FNIP1: variants seen among roughly 807,000 people sequenced by gnomAD.
FNIP1 encodes the protein folliculin interacting protein 1, also known as folliculin-interacting protein 1.
FNIP1 carries 40 observed loss-of-function variants against 124.5 expected under a neutral mutation model. The observed-to-expected ratio is 0.32, with a 90% CI of 0.25 to 0.42. The LOEUF is 0.42. FNIP1 is among the 10% of genes least tolerant of loss of function. The pLI is 1.00. For missense variants in FNIP1, 1,176 were observed against 1,403.7 expected, an observed-to-expected ratio of 0.84 and a Z score of 2.59; for synonymous variants, 472 against 470.6, an observed-to-expected ratio of 1.00 and a Z score of -0.04.
At chr5:131,709,482 C>T (rs1769220604) in intron 7 of FNIP1, among the ~76,000 whole-genome samples, 1 of 151,926 alleles carries the variant, frequency 6.6e-6, no homozygotes, top group Admixed American at 6.6e-5. Flanking sequence ...GTATAAGAAT[C>T]TAAAACATAA....
intron 6 of FNIP1, among the ~76,000 whole-genome samples, chr5:131,714,505 T>C (rs1050281642): frequency 1.6e-4 from 24 of 152,324 alleles, no homozygotes; most frequent in Admixed American, 1.5e-3. Flanking sequence ...TCTAAATTCC[T>C]CAGTGTGGCC....
At chr5:131,706,237 A>G (rs1769107494) in intron 9 of FNIP1, among the ~76,000 whole-genome samples, 174 bp downstream of exon 9, 1 of 152,216 alleles carries the variant, frequency 6.6e-6, no homozygotes, top group South Asian at 2.1e-4. Flanking sequence ...AAATGGTTAA[A>G]ATTGTAACTT....
Position 131,671,703 on chromosome 5 carries a change from G to A in FNIP1, c.2741C>T (p.Pro914Leu). Residue 914 changes from proline to leucine, a missense_variant, in exon 14 of 18, where the codon CCC becomes CTC. By Grantham distance (98) the Pro-to-Leu change is moderately conservative (BLOSUM62 -3). This residue lies in a region of FNIP1 where 1,109 missense variants were observed against 1,288.5 expected (regional missense o/e 0.86). Coordinates refer to ENST00000510461, the MANE Select transcript of FNIP1 (RefSeq NM_133372.3). ...ATCTGAACTCTCTTTATCCCCATGG[G>A]GGACAAGAATGGAGAGTGTATCTCT... is the stretch of plus-strand genomic sequence containing the variant. ...DQRDTLSILV[P>L]HGDKESSDKK... 6.2e-7 allele frequency: 1 copy of A among 1,614,130 alleles called. No homozygotes were observed. The highest frequency in any genetic ancestry group is 8.5e-7 in the Non-Finnish European group (1 of 1,180,016).
intron 11 of FNIP1, among the ~76,000 whole-genome samples, chr5:131,682,026 T>C (rs889367015): frequency 2.0e-5 from 3 of 152,176 alleles, no homozygotes; most frequent in Non-Finnish European, 2.9e-5. Flanking sequence ...AGAATGTGTC[T>C]GGGAAGAATG....
chr5:131,662,604 A>G (rs1208718010), intron 15 of FNIP1, among the ~76,000 whole-genome samples: 2 of 152,098 alleles, frequency 1.3e-5, no homozygotes, highest in Non-Finnish European at 2.9e-5. Flanking sequence ...AGGCTTTGGG[A>G]GCAAGTCCTT....
chr5:131,659,449 A>G lies in FNIP1; in HGVS notation c.3109-7450T>C, dbSNP rs528277442. 2.6e-5 allele frequency among the ~76,000 whole-genome samples: 4 copies of G among 152,306 alleles called. No individual in the cohort carries two copies. The East Asian group carries it at 7.7e-4, about 29-fold the overall frequency. ...AGGCCGCTGTGGCCATCTCCTGCTC[A>G]AAGTCCAGGGTGACATAGTATAGCT... On this transcript the variant is annotated intron_variant, in intron 15 of 17. Transcript: ENST00000510461.
intron 1 of FNIP1, among the ~76,000 whole-genome samples, chr5:131,774,911 C>T (rs1260690494): frequency 6.6e-6 from 1 of 152,162 alleles, no homozygotes; most frequent in Non-Finnish European, 1.5e-5. Context: ...TCTCTAACTG[C>T]TATGGTATCT....
At position 131,710,563 on chromosome 5, in the gene FNIP1, C is replaced by T. The variant is rs372256229; in HGVS notation, c.706+15G>A. On this transcript the variant is annotated intron_variant, in intron 7 of 17. Transcript: ENST00000510461. Reference sequence around the variant, plus strand: ...GGGCACACCAACTAGTCTACCCACACAGCACATCGCAAACCTGCAAAGAAA... The same window carrying T: ...GGGCACACCAACTAGTCTACCCACATAGCACATCGCAAACCTGCAAAGAAA... The T allele has an allele frequency of 1.9e-6, 3 of 1,612,518 alleles. No homozygotes were observed. The highest frequency in any genetic ancestry group is 2.7e-5 in the African/African-American group (2 of 74,944).
intron 2 of FNIP1, among the ~76,000 whole-genome samples, chr5:131,741,418 T>C (rs1770509850): frequency 2.0e-5 from 3 of 152,238 alleles, no homozygotes; most frequent in Admixed American, 2.0e-4. Flanking sequence ...AAAGCATTTA[T>C]GTAGTTCACT....
intron 15 of FNIP1, among the ~76,000 whole-genome samples, chr5:131,655,917 C>CA (rs1767177964): frequency 6.8e-6 from 1 of 146,222 alleles, no homozygotes; most frequent in African/African-American, 2.5e-5. Context: ...GACTCCATCT[C>CA]AAAAAACAAC....
chr5:131,684,197 G>A (rs1480273238), intron 11 of FNIP1, among the ~76,000 whole-genome samples: 1 of 152,168 alleles, frequency 6.6e-6, no homozygotes, highest in Non-Finnish European at 1.5e-5. Flanking sequence ...AACAGTATGA[G>A]AATTAAAACA....
chr5:131,653,025 T>C (rs747838278), intron 15 of FNIP1, among the ~76,000 whole-genome samples: 1 of 152,122 alleles, frequency 6.6e-6, no homozygotes, highest in East Asian at 1.9e-4. Flanking sequence ...AATAAGTCAA[T>C]GGTAAGATTC....
chr5:131,713,706 T>C (rs1359348395), intron 6 of FNIP1, among the ~76,000 whole-genome samples: 7 of 152,224 alleles, frequency 4.6e-5, no homozygotes, highest in Non-Finnish European at 8.8e-5. Flanking sequence ...CCAATATACA[T>C]GCAATTAAAC....
rs530474903 is a variant in FNIP1 at position 131,733,786 on chromosome 5, T to C, written c.220-2748A>G. On this transcript the variant is annotated intron_variant, in intron 2 of 17. Transcript: ENST00000510461. ...ATTCATCAGGGATATTGGTCTACAA[T>C]TCTCTTTTTTTGTTGTGTCTCTGCC... Among the ~76,000 whole-genome samples, 156 of 152,330 alleles carry C rather than the reference T, an allele frequency of 1.0e-3. 1 individual carries two copies. The highest frequency in any genetic ancestry group is 3.7e-3 in the African/African-American group (154 of 41,570).
chr5:131,653,197 TCAAAATATACTAACAGGGTTCTC>T, intron 15 of FNIP1, among the ~76,000 whole-genome samples: 1 of 151,384 alleles, frequency 6.6e-6, no homozygotes, highest in African/African-American at 2.4e-5. Context: ...ATGGGACACA[TCAAAATATACTAACAGGGTTCTC>T]CAAGACACAT....
chr5:131,670,688 T>TAAAA, intron 14 of FNIP1, 57 bp from the exon 15 acceptor site: 13 of 966,848 alleles, frequency 1.3e-5, no homozygotes, highest in South Asian at 2.7e-5. Flanking sequence ...ATTTAACCAG[T>TAAAA]AAAAAAAAAA....
At chr5:131,741,558 ACTG>A (rs1461253724) in intron 2 of FNIP1, among the ~76,000 whole-genome samples, 2 of 152,348 alleles carry the variant, frequency 1.3e-5, no homozygotes, top group Non-Finnish European at 2.9e-5. Context: ...ATATTAATAA[ACTG>A]CTGTTATATT....
intron 15 of FNIP1, among the ~76,000 whole-genome samples, chr5:131,661,867 G>T (rs1767451603): frequency 6.6e-6 from 1 of 152,150 alleles, no homozygotes; most frequent in Non-Finnish European, 1.5e-5. Flanking sequence ...TTATTAATAA[G>T]AAAAAGGATC....
In FNIP1 at chr5:131,670,612, T is replaced by C; in HGVS notation, c.2959A>G (p.Ser987Gly). 2 of 1,606,284 alleles carry C rather than the reference T, an allele frequency of 1.2e-6. No individual in the cohort carries two copies. The highest frequency in any genetic ancestry group is 1.7e-6 in the Non-Finnish European group (2 of 1,177,194). ...TTGGCAATGTTGGGCTGAACAGCAC[T>C]CACTTCGATTAACTTTGACCTGGAA... ...PFPGSKLIEV[S>G]AVQPNIANFG... The change falls in exon 15 of 18, where the codon AGT (serine) becomes GGT (glycine). Residue 987 changes from serine (S) to glycine (G), a missense_variant. Physicochemically the swap from Ser to Gly is moderately conservative, Grantham distance 56. Around this residue, in one of 2 missense-constraint regions of FNIP1, gnomAD observed 1,109 missense variants for 1,288.5 expected, o/e 0.86. Transcript: ENST00000510461.
Sources: gnomAD v4.1 joint callset for allele counts (sites outside exome capture counted in the v4.1 genomes callset) on GRCh38, gnomAD v4.1.1 for gene constraint, gnomAD v4.1.1 regional missense constraint, MANE v1.5 for transcripts, NCBI Gene and HGNC (gene_info 2026-07-23, HGNC 2026-07-21) for gene names.